Variants in USP39 observed in about 807,000 individuals in gnomAD.
USP39 encodes the protein ubiquitin specific peptidase 39, also known as ubiquitin carboxyl-terminal hydrolase 39.
In USP39, 38 loss-of-function variants were observed where a neutral mutation model predicts 66.4. The observed-to-expected ratio is 0.57, with a 90% CI of 0.44 to 0.75. USP39 has a LOEUF of 0.75. Among genes scored for constraint, USP39 ranks in the 30% least tolerant of loss-of-function variants. The probability of loss-of-function intolerance (pLI) is 0.00; values close to 1 mark genes in which losing one functional copy is unlikely to be tolerated. For missense variants in USP39, 608 were observed against 714.4 expected, an observed-to-expected ratio of 0.85 and a Z score of 1.70; for synonymous variants, 303 against 274.6, an observed-to-expected ratio of 1.10 and a Z score of -1.02.
upstream of USP39, chr2:85,609,135 T>TA: frequency 6.3e-7 from 1 of 1,582,122 alleles, no homozygotes; most frequent in Non-Finnish European, 8.6e-7. Context: ...GCCCTGTCCC[T>TA]AAACACTCTC....
At chr2:85,638,652 C>A (rs1437871113) in intron 8 of USP39, among the ~76,000 whole-genome samples, 2 of 151,930 alleles carry the variant, frequency 1.3e-5, no homozygotes, top group Admixed American at 1.3e-4. Context: ...GATTCTCCTG[C>A]CTCAGCCTCC....
intron 11 of USP39, chr2:85,646,296 A>G (rs902274030): frequency 2.0e-5 from 3 of 152,252 alleles, no homozygotes; most frequent in Non-Finnish European, 4.4e-5. Context: ...TCATTTGATT[A>G]GCCTCTTCTG....
intron 3 of USP39, among the ~76,000 whole-genome samples, chr2:85,623,141 G>T (rs1384270994): frequency 2.0e-5 from 3 of 152,186 alleles, no homozygotes; most frequent in African/African-American, 7.2e-5. Context: ...AGAGATTCTA[G>T]AAAGGAGTAG....
chr2:85,621,451 A>G (rs1674455863), intron 2 of USP39, 34 bp from the exon 3 acceptor site: 3 of 1,596,046 alleles, frequency 1.9e-6, no homozygotes, highest in Admixed American at 1.7e-5. Flanking sequence ...CTACATGTCC[A>G]TCCTATTTAT....
Position 85,636,105 on chromosome 2 carries a change from G to C in USP39, c.1002G>C (p.Leu334=), listed in dbSNP as rs1456094917. 54 of 1,613,738 alleles carry C rather than the reference G, an allele frequency of 3.3e-5. No homozygotes were observed. The highest frequency in any genetic ancestry group is 4.5e-5 in the Non-Finnish European group (53 of 1,179,930). Residue 334 remains leucine, a synonymous_variant, in exon 7 of 13, where the codon CTG becomes CTC. Transcript: ENST00000323701. Reference sequence around the variant, plus strand: ...TTCTGAATGCTCTGCACTCAGCTCTGGGGGGCACAAAGAAGAAAAAGAAGA... The same window carrying C: ...TTCTGAATGCTCTGCACTCAGCTCTCGGGGGCACAAAGAAGAAAAAGAAGA... ...SWFLNALHSA[L]GGTKKKKKTI...
At chr2:85,616,493 A>C in intron 1 of USP39, 30 bp downstream of exon 1, 1 of 1,274,836 alleles carries the variant, frequency 7.8e-7, no homozygotes, top group Non-Finnish European at 1.0e-6. Context: ...GCTAGGCGCG[A>C]GAGCCTGTTT....
rs1391117303 is a variant in USP39 at position 85,631,930 on chromosome 2, G to T, written c.949+984G>T. ...TGCCCAGCTAATTTTTGTATTTTTA[G>T]TAGAGAGGGGGTTTCACCATGTTGG... On this transcript the variant is annotated intron_variant, in intron 6 of 12. Transcript: ENST00000323701. 2.5e-5 allele frequency among the ~76,000 whole-genome samples: 3 copies of T among 119,842 alleles called. No individual in the cohort carries two copies. The South Asian group carries it at 9.0e-4, about 36-fold the overall frequency. 78.6% of individuals were successfully genotyped at this position (119,842 alleles called of 152,430 possible). A position where few individuals can be genotyped will look rare whatever the true frequency, so the allele number is the denominator to read the frequency against.
intron 6 of USP39, among the ~76,000 whole-genome samples, chr2:85,635,122 TAAAAAG>T (rs1010306019): frequency 3.3e-5 from 5 of 152,168 alleles, no homozygotes; most frequent in African/African-American, 9.7e-5. Context: ...GTACAGGGAA[TAAAAAG>T]AAAATCATTC....
At chr2:85,617,591 C>T (rs1020506230) in intron 1 of USP39, among the ~76,000 whole-genome samples, 4 of 152,122 alleles carry the variant, frequency 2.6e-5, no homozygotes, top group African/African-American at 9.7e-5. Context: ...ATCGCAGCTA[C>T]TCTATAGGAT....
intron 7 of USP39, among the ~76,000 whole-genome samples, chr2:85,636,697 G>A (rs1486059058): frequency 6.6e-6 from 1 of 152,044 alleles, no homozygotes; most frequent in East Asian, 1.9e-4. Context: ...GTAGAGATGG[G>A]ATTTCTCCAT....
chr2:85,639,453 T>TA, intron 9 of USP39, 62 bp downstream of exon 9: 22 of 1,455,540 alleles, frequency 1.5e-5, no homozygotes, highest in Non-Finnish European at 1.9e-5. Context: ...TTTTTCATTT[T>TA]CTTTTTTTTT....
rs982499065 is a variant in USP39 at position 85,649,081 on chromosome 2, C to T, written c.*273C>T. The T allele has an allele frequency of 5.3e-5, 23 of 433,166 alleles. No homozygotes were observed. The highest frequency in any genetic ancestry group is 1.2e-4 in the Admixed American group (3 of 24,364). The allele number at this position is 433,166 out of a possible 1,614,324, so 26.8% of individuals were successfully genotyped here. A position where few individuals can be genotyped will look rare whatever the true frequency, so the allele number is the denominator to read the frequency against. On this transcript the variant is annotated 3_prime_UTR_variant, in exon 13 of 13. Transcript: ENST00000323701. ...GCTTCAGCAGGGCAGAACCCTTCTC[C>T]AGATGTGTGTAACTTATGTCTTGAG...
Position 85,634,339 on chromosome 2 carries a change from C to T in USP39, c.950-1714C>T, listed in dbSNP as rs146742240. ...CTGTAATCCCAGCACTTTGGGAGGC[C>T]GAAGTGGGAGGATTGCTTGAGCCCA... On this transcript the variant is annotated intron_variant, in intron 6 of 12. Coordinates refer to ENST00000323701, the MANE Select transcript of USP39 (RefSeq NM_006590.4). Among the ~76,000 whole-genome samples the T allele has an allele frequency of 7.7e-3, 1,162 of 151,884 alleles. 19 individuals are homozygous for T. The highest frequency in any genetic ancestry group is 0.026 in the African/African-American group (1,077 of 41,428).
chr2:85,630,173 C>T (rs150159242), intron 5 of USP39, among the ~76,000 whole-genome samples: 42 of 152,070 alleles, frequency 2.8e-4, no homozygotes, highest in South Asian at 1.5e-3. Context: ...TACACCTTTG[C>T]GTCCTCACAG....
At position 85,648,940 on chromosome 2, in the gene USP39, A is replaced by G. The variant is rs1573459169; in HGVS notation, c.*132A>G. ...CCCAGCTTGTATGGGTTCTGGCTAC[A>G]CCAGAGCACCAAGAGCCCACTTGCC... On this transcript the variant is annotated 3_prime_UTR_variant, in exon 13 of 13. Transcript: ENST00000323701. 4 of 1,009,164 alleles carry G rather than the reference A, an allele frequency of 4.0e-6. No homozygotes were observed. Among genetic ancestry groups the G allele is most frequent in the African/African-American group, 1.6e-5 (1 of 61,548 alleles). The allele number at this position is 1,009,164 out of a possible 1,614,324, so 62.5% of individuals were successfully genotyped here. A position where few individuals can be genotyped will look rare whatever the true frequency, so the allele number is the denominator to read the frequency against.
At chr2:85,612,387 C>G, upstream of USP39, 1 of 1,535,144 alleles carries the variant, frequency 6.5e-7, no homozygotes, top group Middle Eastern at 1.7e-4. Flanking sequence ...AATCCATCGC[C>G]ATCTGCGTGA....
At chr2:85,611,960 G>A (rs1403860644), upstream of USP39, 2 of 1,549,418 alleles carry the variant, frequency 1.3e-6, no homozygotes, top group Non-Finnish European at 1.7e-6. Context: ...CAGTGCCCCG[G>A]CCGGGGATGC....
chr2:85,647,759 A>G (rs1676758528), intron 11 of USP39, among the ~76,000 whole-genome samples, 171 bp from the exon 12 acceptor site: 1 of 152,312 alleles, frequency 6.6e-6, no homozygotes, highest in African/African-American at 2.4e-5. Flanking sequence ...CAAAAGTCCT[A>G]TTAATTGAAT....
rs1674635126 is a variant in USP39, at chr2:85,623,679, G to A, written c.467G>A (p.Ser156Asn). ...RGLKSHAYIH[S>N]VQFSHHVFLN... ...TTGAAGTCTCACGCCTACATTCACAGTGTCCAGTTTAGCCACCATGTTTTC... is the reference window on the plus strand; with the variant it reads ...TTGAAGTCTCACGCCTACATTCACAATGTCCAGTTTAGCCACCATGTTTTC... Residue 156 changes from serine to asparagine, a missense_variant, in exon 4 of 13, where the codon AGT (serine) becomes AAT (asparagine). Around this residue, in one of 6 missense-constraint regions of USP39, gnomAD observed 115 missense variants for 198.6 expected, o/e 0.58. Transcript: ENST00000323701. 6.2e-7 allele frequency: 1 copy of A among 1,613,746 alleles called. No individual in the cohort carries two copies. Among genetic ancestry groups the A allele is most frequent in the South Asian group, 1.1e-5 (1 of 91,002 alleles).
Sources: allele counts gnomAD v4.1 joint callset (sites outside exome capture counted in the v4.1 genomes callset), GRCh38; gene constraint gnomAD v4.1.1; regional missense constraint gnomAD v4.1.1; transcripts MANE v1.5; gene names NCBI Gene and HGNC (gene_info 2026-07-23, HGNC 2026-07-21).